The following GRK7 variants were observed in gnomAD, a reference collection of about 807,000 sequenced individuals.
GRK7 encodes rhodopsin kinase GRK7.
GRK7 carries 24 observed loss-of-function variants against 34.1 expected under a neutral mutation model. The observed-to-expected ratio is 0.70, with a 90% CI of 0.51 to 0.99. GRK7 has a LOEUF of 0.99. Ranked by LOEUF, GRK7 falls within the 50% of genes least tolerant of loss-of-function variation. GRK7 has a pLI of 0.00. For missense variants in GRK7, 644 were observed against 707.3 expected (o/e 0.91, Z 1.02); for synonymous variants, 256 against 279.4 (o/e 0.92, Z 0.84).
intron 4 of GRK7, among the ~76,000 whole-genome samples, chr3:141,802,697 C>T (rs1710982819): frequency 6.6e-6 from 1 of 152,192 alleles, no homozygotes; most frequent in South Asian, 2.1e-4. Context: ...AAAACATCAT[C>T]CTGTGGGGTA....
chr3:141,785,058 T>TTCCTTATAAAATACTC (rs2084688986), intron 4 of GRK7, among the ~76,000 whole-genome samples: 3 of 152,180 alleles, frequency 2.0e-5, no homozygotes, highest in Non-Finnish European at 4.4e-5. Flanking sequence ...ATAAAATACT[T>TTCCTTATAAAATACTC]TCCTTATAAA....
At chr3:141,767,190 AG>A (rs1157433884) in intron 1 of GRK7, among the ~76,000 whole-genome samples, 7 of 152,174 alleles carry the variant, frequency 4.6e-5, no homozygotes, top group African/African-American at 1.7e-4. Context: ...TCCTATCTTA[AG>A]TAGCCTCAAA....
chr3:141,793,658 G>A (rs1023254995), intron 4 of GRK7, among the ~76,000 whole-genome samples: 1 of 152,190 alleles, frequency 6.6e-6, no homozygotes, highest in African/African-American at 2.4e-5. Context: ...GTCAGTGACT[G>A]TGAGTAGCTG....
rs761208239 is a variant in GRK7 at position 141,778,253 on chromosome 3, G to A, written c.-32G>A. The A allele has an allele frequency of 1.3e-6, 2 of 1,526,562 alleles. No individual in the cohort carries two copies. The highest frequency in any genetic ancestry group is 4.2e-5 in the Admixed American group (2 of 47,340). 94.6% of individuals were successfully genotyped at this position (1,526,562 alleles called of 1,614,324 possible). On this transcript the variant is annotated 5_prime_UTR_variant, in exon 3 of 6. Coordinates refer to ENST00000682958, the MANE Select transcript of GRK7 (RefSeq NM_139209.3). The surrounding 1 kb of genome is among the most constrained non-coding windows in gnomAD (Gnocchi z 4.1). ...GCCAGCAGCCCTCCAGCCCTCTTGT[G>A]CTTTCCCTGGGAGTGCGCCCCGTGC...
chr3:141,798,806 T>C (rs1710919061), intron 4 of GRK7, among the ~76,000 whole-genome samples: 1 of 152,228 alleles, frequency 6.6e-6, no homozygotes, highest in South Asian at 2.1e-4. Flanking sequence ...TCTAATTCCA[T>C]TCTCCTCAGT....
chr3:141,801,328 AAAAAAAG>A (rs1426695899), intron 4 of GRK7, among the ~76,000 whole-genome samples: 2 of 150,684 alleles, frequency 1.3e-5, no homozygotes, highest in African/African-American at 4.9e-5. Flanking sequence ...AAAAAAAAAA[AAAAAAAG>A]AAATGCAAAG....
intron 4 of GRK7, among the ~76,000 whole-genome samples, chr3:141,787,652 A>G (rs2084703298): frequency 1.3e-5 from 2 of 151,126 alleles, no homozygotes; most frequent in South Asian, 2.1e-4. Context: ...ATTAATAGAG[A>G]AGATATCAAG....
At chr3:141,750,413 C>T in the GRK7 span, among the ~76,000 whole-genome samples, 1 of 152,216 alleles carries the variant, frequency 6.6e-6, no homozygotes, top group Non-Finnish European at 1.5e-5. Flanking sequence ...AATGTTGGCT[C>T]TATCATTTAC....
At chr3:141,806,332 G>A (rs138175905) in intron 4 of GRK7, among the ~76,000 whole-genome samples, 279 of 152,202 alleles carry the variant, frequency 1.8e-3, no homozygotes, top group African/African-American at 6.3e-3. Context: ...GGAGGCCGAG[G>A]CGGGAGGATC....
chr3:141,754,160 G>C, the GRK7 span, among the ~76,000 whole-genome samples: 5 of 152,148 alleles, frequency 3.3e-5, no homozygotes, highest in African/African-American at 9.7e-5. Context: ...AACAGATAAG[G>C]GTGTCACTGT....
At chr3:141,792,258 G>C (rs2084727957) in intron 4 of GRK7, among the ~76,000 whole-genome samples, 1 of 151,890 alleles carries the variant, frequency 6.6e-6, no homozygotes, top group African/African-American at 2.4e-5. Context: ...CAAAAAATTA[G>C]CCGGGCATTG....
chr3:141,801,226 G>A (rs954530693), intron 4 of GRK7, among the ~76,000 whole-genome samples: 1 of 151,270 alleles, frequency 6.6e-6, no homozygotes. Flanking sequence ...CAGGAGAATG[G>A]CGTGAACCTG....
chr3:141,811,410 T>G (rs1711091207), intron 5 of GRK7, among the ~76,000 whole-genome samples: 1 of 152,256 alleles, frequency 6.6e-6, no homozygotes, highest in South Asian at 2.1e-4. Context: ...ATTAACAAAT[T>G]TCATGAAAAT....
intron 4 of GRK7, among the ~76,000 whole-genome samples, chr3:141,791,369 T>C (rs1463420958): frequency 6.6e-6 from 1 of 152,156 alleles, no homozygotes; most frequent in African/African-American, 2.4e-5. Flanking sequence ...GTTTTTTTTT[T>C]CTTTAAGTGC....
chr3:141,757,129 C>CTTTTT, the GRK7 span, among the ~76,000 whole-genome samples: 116 of 101,294 alleles, frequency 1.1e-3, no homozygotes, highest in South Asian at 2.5e-3. Flanking sequence ...AGATCTTCTT[C>CTTTTT]TTTTTTTTTT....
At chr3:141,774,523 TTTCCC>T (rs1444087135) in intron 1 of GRK7, among the ~76,000 whole-genome samples, 52 bp from the exon 2 acceptor site, 9 of 152,220 alleles carry the variant, frequency 5.9e-5, no homozygotes, top group Non-Finnish European at 1.3e-4. Context: ...AAAGCATGTT[TTTCCC>T]CAGTGATAAG....
chr3:141,812,672 G>T (rs139423133), intron 5 of GRK7, among the ~76,000 whole-genome samples: 18 of 152,298 alleles, frequency 1.2e-4, no homozygotes, highest in Non-Finnish European at 1.8e-4. Flanking sequence ...GTTGCAAAAG[G>T]GCTGCAGTCA....
chr3:141,805,614 T>G (rs1711029327), intron 4 of GRK7, among the ~76,000 whole-genome samples: 1 of 152,196 alleles, frequency 6.6e-6, no homozygotes, highest in African/African-American at 2.4e-5. Context: ...GCCCGTTAGA[T>G]CCTAGTCACT....
chr3:141,769,649 C>T lies in GRK7; in HGVS notation c.-215+3911C>T, dbSNP rs191472453. Among the ~76,000 whole-genome samples, 6 of 152,338 alleles carry T rather than the reference C, an allele frequency of 3.9e-5. No individual in the cohort carries two copies. In the East Asian group the frequency reaches 1.2e-3, roughly 29 times the overall value. On this transcript the variant is annotated intron_variant, in intron 1 of 5. Coordinates refer to ENST00000682958, the MANE Select transcript of GRK7 (RefSeq NM_139209.3). Reference sequence around the variant, plus strand: ...TCTGCAGGGACTCACCCCATGCAAGCTCTGCAAGTGACATTTCCCAGCCTC... The same window carrying T: ...TCTGCAGGGACTCACCCCATGCAAGTTCTGCAAGTGACATTTCCCAGCCTC...
Sources: allele counts gnomAD v4.1 joint callset (sites outside exome capture counted in the v4.1 genomes callset), GRCh38; gene constraint gnomAD v4.1.1; non-coding constraint Gnocchi (gnomAD v3.1); transcripts MANE v1.5; gene names NCBI Gene and HGNC (gene_info 2026-07-23, HGNC 2026-07-21).